The following ERBB4 variants were observed in gnomAD, a reference collection of about 807,000 sequenced individuals.
ERBB4 encodes the protein erb-b2 receptor tyrosine kinase 4, also known as receptor tyrosine-protein kinase erbB-4.
A neutral mutation model predicts 158.0 loss-of-function variants in ERBB4; 42 were observed. That is an observed-to-expected ratio of 0.27 (90% CI 0.21 to 0.34). ERBB4 has a LOEUF of 0.34. ERBB4 is among the 10% of genes least tolerant of loss of function. ERBB4 has a pLI of 1.00. For synonymous variants in ERBB4, 583 were observed against 558.7 expected (o/e 1.04, Z -0.61); for missense variants, 1,333 against 1,624.1 (o/e 0.82, Z 3.08).
intron 16 of ERBB4, among the ~76,000 whole-genome samples, chr2:211,651,777 C>G (rs1325109157): frequency 6.6e-6 from 1 of 152,154 alleles, no homozygotes; most frequent in Non-Finnish European, 1.5e-5. Context: ...AGCCTCAGTT[C>G]TACAACTTCA....
At chr2:211,850,974 T>C (rs2077707273) in intron 3 of ERBB4, among the ~76,000 whole-genome samples, 1 of 151,986 alleles carries the variant, frequency 6.6e-6, no homozygotes, top group African/African-American at 2.4e-5. Context: ...TGACTCAAAG[T>C]TGTTTTGACT....
intron 9 of ERBB4, among the ~76,000 whole-genome samples, chr2:211,705,992 G>A (rs1445676056): frequency 9.2e-5 from 14 of 151,604 alleles, no homozygotes; most frequent in African/African-American, 1.7e-4. Context: ...TCATATTCAC[G>A]TTTATAACAC....
intron 1 of ERBB4, among the ~76,000 whole-genome samples, chr2:212,215,613 C>T (rs2083075002): frequency 1.3e-5 from 2 of 150,848 alleles, no homozygotes; most frequent in African/African-American, 2.4e-5. Flanking sequence ...AGTAATTTTC[C>T]ATCTTGAAGG....
At chr2:212,269,704 G>A (rs1184818799) in intron 1 of ERBB4, among the ~76,000 whole-genome samples, 2 of 151,792 alleles carry the variant, frequency 1.3e-5, no homozygotes, top group Non-Finnish European at 2.9e-5. Flanking sequence ...GTCAAGAATT[G>A]TAATACTCAA....
At chr2:212,273,695 A>G (rs931263649) in intron 1 of ERBB4, among the ~76,000 whole-genome samples, 3 of 151,838 alleles carry the variant, frequency 2.0e-5, no homozygotes, top group Non-Finnish European at 4.4e-5. Context: ...AAGTATTATA[A>G]TACTTCAGGG....
At chr2:212,419,482 T>C (rs2105900402) in intron 1 of ERBB4, among the ~76,000 whole-genome samples, 1 of 151,990 alleles carries the variant, frequency 6.6e-6, no homozygotes, top group East Asian at 1.9e-4. Flanking sequence ...TGATTCTTCA[T>C]CCTAAATTAG....
intron 3 of ERBB4, among the ~76,000 whole-genome samples, chr2:211,905,786 G>A (rs1355995780): frequency 6.9e-6 from 1 of 145,786 alleles, no homozygotes; most frequent in Non-Finnish European, 1.5e-5. Context: ...ACAACACATA[G>A]GATGAGAGAA....
At chr2:211,905,002 A>G (rs1340144995) in intron 3 of ERBB4, among the ~76,000 whole-genome samples, 1 of 152,146 alleles carries the variant, frequency 6.6e-6, no homozygotes, top group African/African-American at 2.4e-5. Context: ...CAACTTTAAT[A>G]TATGTTGTTC....
chr2:212,028,405 A>G (rs1196569281), intron 2 of ERBB4, among the ~76,000 whole-genome samples: 1 of 152,178 alleles, frequency 6.6e-6, no homozygotes, highest in African/African-American at 2.4e-5. Flanking sequence ...TAACACAAAG[A>G]CAATGATGTC....
At chr2:212,027,264 T>C (rs2076794679) in intron 2 of ERBB4, among the ~76,000 whole-genome samples, 1 of 152,150 alleles carries the variant, frequency 6.6e-6, no homozygotes, top group Non-Finnish European at 1.5e-5. Context: ...CCATGGAAAA[T>C]ATAATGTTCG....
chr2:211,854,332 A>C (rs912419980), intron 3 of ERBB4, among the ~76,000 whole-genome samples: 6 of 152,118 alleles, frequency 3.9e-5, no homozygotes, highest in Admixed American at 3.9e-4. Context: ...ATTATATTGA[A>C]GTGTGCCATA....
intron 2 of ERBB4, among the ~76,000 whole-genome samples, chr2:212,013,053 CT>C (rs1389368746): frequency 6.7e-6 from 1 of 149,010 alleles, no homozygotes; most frequent in Non-Finnish European, 1.5e-5. Context: ...CCAAGAAATA[CT>C]TTCCTTTTTT....
At chr2:212,429,454 G>C (rs1211335845) in intron 1 of ERBB4, among the ~76,000 whole-genome samples, 1 of 152,138 alleles carries the variant, frequency 6.6e-6, no homozygotes, top group East Asian at 1.9e-4. Context: ...TACAAGTGTG[G>C]ATAGCTGAGT....
At chr2:212,235,957 C>G (rs576694302) in intron 1 of ERBB4, among the ~76,000 whole-genome samples, 1 of 152,206 alleles carries the variant, frequency 6.6e-6, no homozygotes, top group South Asian at 2.1e-4. Flanking sequence ...ATACCCTTTA[C>G]TTCTTTCTCT....
intron 1 of ERBB4, among the ~76,000 whole-genome samples, chr2:212,174,050 C>T (rs547989087): frequency 4.6e-5 from 7 of 152,034 alleles, no homozygotes; most frequent in Non-Finnish European, 1.0e-4. Context: ...AAAGGTCTGC[C>T]ATTAGACAGA....
intron 1 of ERBB4, among the ~76,000 whole-genome samples, chr2:212,240,636 T>A (rs1390626782): frequency 9.1e-5 from 1 of 11,020 alleles, no homozygotes; most frequent in Non-Finnish European, 1.5e-4. Flanking sequence ...ACACTCTGGC[T>A]CAAAAAAAAA....
intron 1 of ERBB4, among the ~76,000 whole-genome samples, chr2:212,443,418 G>C (rs2092291971): frequency 6.6e-6 from 1 of 152,180 alleles, no homozygotes; most frequent in South Asian, 2.1e-4. Flanking sequence ...ATTTCCAGGA[G>C]CCCAGTAGTC....
At chr2:211,817,551 G>T (rs1464064565) in intron 3 of ERBB4, among the ~76,000 whole-genome samples, 1 of 152,086 alleles carries the variant, frequency 6.6e-6, no homozygotes, top group East Asian at 1.9e-4. Context: ...CCCCTTTGAT[G>T]CTGTGGCAGG....
At chr2:212,055,600 C>T (rs2077537596) in intron 2 of ERBB4, among the ~76,000 whole-genome samples, 1 of 152,212 alleles carries the variant, frequency 6.6e-6, no homozygotes, top group East Asian at 1.9e-4. Context: ...AACAATCAGG[C>T]AGCAACGTTT....
Sources: gnomAD v4.1 joint callset for allele counts (sites outside exome capture counted in the v4.1 genomes callset) on GRCh38, gnomAD v4.1.1 for gene constraint, MANE v1.5 for transcripts, NCBI Gene and HGNC (gene_info 2026-07-23, HGNC 2026-07-21) for gene names.